Variants in KCNA3 observed in about 807,000 individuals in gnomAD.
KCNA3 encodes potassium voltage-gated channel subfamily A member 3.
In KCNA3, 18 loss-of-function variants were observed where a neutral mutation model predicts 34.3. The observed-to-expected ratio is 0.52, with a 90% CI of 0.36 to 0.78. The LOEUF (loss-of-function observed/expected upper bound fraction) is 0.78. Among genes scored for constraint, KCNA3 ranks in the 30% least tolerant of loss-of-function variants. The probability of loss-of-function intolerance (pLI) is 0.00; values close to 1 mark genes in which losing one functional copy is unlikely to be tolerated. For missense variants in KCNA3, 587 were observed against 802.5 expected (o/e 0.73, Z 3.24); for synonymous variants, 324 against 351.7 (o/e 0.92, Z 0.88).
At chr1:110,662,594 T>C in the KCNA3 span, among the ~76,000 whole-genome samples, 293 of 152,302 alleles carry the variant, frequency 1.9e-3, no homozygotes, top group African/African-American at 6.6e-3. Flanking sequence ...GCTCAAGGAC[T>C]AGAAAGATTT....
the KCNA3 span, chr1:110,655,806 T>C: frequency 6.6e-6 from 1 of 152,154 alleles, no homozygotes; most frequent in African/African-American, 2.4e-5. Flanking sequence ...TTTAGTATCA[T>C]TCTAATATCT....
chr1:110,663,496 C>T, the KCNA3 span, among the ~76,000 whole-genome samples: 1 of 152,164 alleles, frequency 6.6e-6, no homozygotes, highest in Non-Finnish European at 1.5e-5. Flanking sequence ...AAGTCATTCT[C>T]TGGTCTGGTT....
rs775275843 is a variant in KCNA3, at chr1:110,674,028, T to C, written c.782A>G (p.Asp261Gly). ...FCLETLPEFR[D>G]EKDYPASTSQ... Reference sequence around the variant, plus strand: ...CGTCGAGGCGGGGTAGTCCTTCTCGTCGCGGAACTCCGGCAGCGTCTCCAG... The same window carrying C: ...CGTCGAGGCGGGGTAGTCCTTCTCGCCGCGGAACTCCGGCAGCGTCTCCAG... The change falls in exon 1 of 1, where the codon GAC (aspartate) becomes GGC (glycine). Residue 261 changes from aspartate to glycine, a missense_variant. Coordinates refer to ENST00000369769, the MANE Select transcript of KCNA3 (RefSeq NM_002232.5). This position sits in a 1 kb window ranked among gnomAD's most constrained non-coding sequence, Gnocchi z 6.4. 6.2e-7 allele frequency: 1 copy of C among 1,609,056 alleles called. No individual in the cohort carries two copies. Among genetic ancestry groups the C allele is most frequent in the South Asian group, 1.1e-5 (1 of 90,732 alleles).
downstream of KCNA3, among the ~76,000 whole-genome samples, chr1:110,668,026 C>T (rs376983790): frequency 6.6e-6 from 1 of 152,080 alleles, no homozygotes. Context: ...AGGTTATCAA[C>T]CACTTCCTAA....
At position 110,673,895 on chromosome 1, in the gene KCNA3, C is replaced by T; in HGVS notation, c.915G>A (p.Trp305Ter). The stretch of plus-strand genomic sequence containing the variant: ...ACCGCACCAGCAGTTCGAAGGAGAA[C>T]CAGATGATGCACAGCGTCTCCACCA... ...FFVVETLCIIWFSFELLVRFF... is the reference protein window; with the variant it reads ...FFVVETLCII The change falls in exon 1 of 1, where the codon TGG (tryptophan) becomes TGA (stop). Residue 305 changes from tryptophan to a stop codon, truncating the protein, a stop_gained. Coordinates refer to ENST00000369769, the MANE Select transcript of KCNA3 (RefSeq NM_002232.5). LOFTEE classifies it high-confidence loss of function. This position sits in a 1 kb window ranked among gnomAD's most constrained non-coding sequence, Gnocchi z 8.8. The T allele has an allele frequency of 6.2e-7, 1 of 1,614,142 alleles. No individual in the cohort carries two copies. The highest frequency in any genetic ancestry group is 8.5e-7 in the Non-Finnish European group (1 of 1,180,020).
downstream of KCNA3, among the ~76,000 whole-genome samples, chr1:110,667,903 A>G (rs115101074): frequency 4.1e-3 from 621 of 152,308 alleles, 8 homozygotes; most frequent in African/African-American, 0.014. Context: ...TATGCTATAT[A>G]GCAATGGCCA....
rs769188853 is a variant in KCNA3 at position 110,673,126 on chromosome 1, GATT to G, written c.1681_1683del (p.Asn561del). The G allele has an allele frequency of 1.1e-5, 17 of 1,613,780 alleles. No individual in the cohort carries two copies. Among genetic ancestry groups the G allele is most frequent in the Middle Eastern group, 1.6e-4 (1 of 6,082 alleles). The stretch of plus-strand genomic sequence containing the variant: ...TTTTTGATGTTGACACAAGAGTTGG[GATT>G]ATTGTTCGTGGTGCAGGTGGCAGTG... On this transcript the variant is annotated inframe_deletion, in exon 1 of 1. Transcript: ENST00000369769. This position sits in a 1 kb window ranked among gnomAD's most constrained non-coding sequence, Gnocchi z 8.8.
downstream of KCNA3, among the ~76,000 whole-genome samples, chr1:110,668,709 A>G (rs1348023123): frequency 6.6e-6 from 1 of 152,162 alleles, no homozygotes; most frequent in Non-Finnish European, 1.5e-5. Context: ...GTTAACTTCC[A>G]TGTTTCTATC....
chr1:110,664,340 A>C, the KCNA3 span, among the ~76,000 whole-genome samples: 1 of 152,188 alleles, frequency 6.6e-6, no homozygotes. Context: ...AGGTACCCTC[A>C]ATGATATCTC....
At chr1:110,667,391 C>T in the KCNA3 span, among the ~76,000 whole-genome samples, 1 of 152,086 alleles carries the variant, frequency 6.6e-6, no homozygotes, top group Non-Finnish European at 1.5e-5. Context: ...AAAGCTTCTC[C>T]CCAATCACTA....
chr1:110,664,526 T>C, the KCNA3 span, among the ~76,000 whole-genome samples: 1 of 152,124 alleles, frequency 6.6e-6, no homozygotes, highest in African/African-American at 2.4e-5. Context: ...GTAAGCCACA[T>C]AGTGATTAAA....
Position 110,673,204 on chromosome 1 carries a change from C to T in KCNA3, c.1606G>A (p.Gly536Ser), listed in dbSNP as rs568444948. ...KSEYMVIEEGGMNHSAFPQTP... is the reference protein window; with the variant it reads ...KSEYMVIEEGSMNHSAFPQTP... The stretch of plus-strand genomic sequence containing the variant: ...TGGGGGAAAGCGCTATGGTTCATAC[C>T]CCCCTCTTCGATCACCATATACTCC... Residue 536 changes from glycine (G) to serine (S), a missense_variant, in exon 1 of 1, where the codon GGT (glycine) becomes AGT (serine). By Grantham distance (56) the Gly-to-Ser change is moderately conservative. Transcript: ENST00000369769. The surrounding 1 kb of genome is among the most constrained non-coding windows in gnomAD (Gnocchi z 8.8). The T allele has an allele frequency of 2.5e-6, 4 of 1,614,050 alleles. No individual in the cohort carries two copies. The highest frequency in any genetic ancestry group is 1.7e-5 in the Admixed American group (1 of 60,014).
the KCNA3 span, among the ~76,000 whole-genome samples, chr1:110,657,715 G>A: frequency 1.3e-5 from 2 of 152,004 alleles, no homozygotes; most frequent in Admixed American, 6.6e-5. Context: ...TGTTTCATTC[G>A]TGTTTTATAA....
Position 110,673,189 on chromosome 1 carries a change from C to T in KCNA3, c.1621G>A (p.Ala541Thr). The T allele has an allele frequency of 6.2e-7, 1 of 1,614,066 alleles. No individual in the cohort carries two copies. The highest frequency in any genetic ancestry group is 8.5e-7 in the Non-Finnish European group (1 of 1,180,016). The change falls in exon 1 of 1, where the codon GCT becomes ACT. Residue 541 changes from alanine to threonine, a missense_variant. Coordinates refer to ENST00000369769, the MANE Select transcript of KCNA3 (RefSeq NM_002232.5). This position sits in a 1 kb window ranked among gnomAD's most constrained non-coding sequence, Gnocchi z 8.8. Reference sequence around the variant, plus strand: ...GTTTTGAAAGGGGTCTGGGGGAAAGCGCTATGGTTCATACCCCCCTCTTCG... The same window carrying T: ...GTTTTGAAAGGGGTCTGGGGGAAAGTGCTATGGTTCATACCCCCCTCTTCG... Reference protein sequence around the residue: ...VIEEGGMNHSAFPQTPFKTGN... With the variant: ...VIEEGGMNHSTFPQTPFKTGN...
At chr1:110,669,255 C>A (rs77781035), downstream of KCNA3, among the ~76,000 whole-genome samples, 1 of 152,126 alleles carries the variant, frequency 6.6e-6, no homozygotes, top group Non-Finnish European at 1.5e-5. Context: ...TTGCATAATG[C>A]TATCATCTAT....
chr1:110,673,766 G>T lies in KCNA3; in HGVS notation c.1044C>A (p.Ala348=), dbSNP rs756328280. ...CCTGCTGTCCATTGCCCTGTCGTTC[G>T]GCCAGCTCGGTACCCAGAGTGATAA... ...PYFITLGTEL[A]ERQGNGQQAM... The change falls in exon 1 of 1, where the codon GCC becomes GCA. Residue 348 remains alanine, a synonymous_variant. Coordinates refer to ENST00000369769, the MANE Select transcript of KCNA3 (RefSeq NM_002232.5). The surrounding 1 kb of genome is among the most constrained non-coding windows in gnomAD (Gnocchi z 8.8). 6.2e-7 allele frequency: 1 copy of T among 1,614,114 alleles called. No homozygotes were observed. The highest frequency in any genetic ancestry group is 8.5e-7 in the Non-Finnish European group (1 of 1,180,038).
chr1:110,667,654 T>C (rs535455501), downstream of KCNA3, among the ~76,000 whole-genome samples: 1 of 152,132 alleles, frequency 6.6e-6, no homozygotes, highest in Admixed American at 6.5e-5. Flanking sequence ...CTTCTTAATA[T>C]GCATTTGATG....
chr1:110,653,876 T>G, the KCNA3 span: 1 of 152,230 alleles, frequency 6.6e-6, no homozygotes, highest in African/African-American at 2.4e-5. Context: ...TAAGAATGAT[T>G]ATTTCATTTC....
the KCNA3 span, chr1:110,655,214 T>C: frequency 1.6e-4 from 24 of 152,072 alleles, no homozygotes; most frequent in Non-Finnish European, 2.5e-4. Flanking sequence ...TACCATTCTG[T>C]GGGATAGTTT....
Sources: gnomAD v4.1 joint callset for allele counts (sites outside exome capture counted in the v4.1 genomes callset) on GRCh38, gnomAD v4.1.1 for gene constraint, Gnocchi (gnomAD v3.1) non-coding constraint, MANE v1.5 for transcripts, NCBI Gene and HGNC (gene_info 2026-07-23, HGNC 2026-07-21) for gene names.